The following FGF13 variants were observed in gnomAD, a reference collection of about 807,000 sequenced individuals.
FGF13 encodes the protein fibroblast growth factor 13.
A neutral mutation model predicts 19.5 loss-of-function variants in FGF13; 2 were observed. That is an observed-to-expected ratio of 0.10 (90% confidence interval 0.04 to 0.32). The LOEUF (loss-of-function observed/expected upper bound fraction) is 0.32. FGF13 is among the 10% of genes least tolerant of loss of function. The pLI, the probability that FGF13 is intolerant of heterozygous loss-of-function variation, is 1.00. For missense variants in FGF13, 113 were observed against 192.7 expected, an observed-to-expected ratio of 0.59 and a Z score of 2.45; for synonymous variants, 72 against 76.9, an observed-to-expected ratio of 0.94 and a Z score of 0.33.
chrX:139,161,454 A>G (rs1342958888), intron 1 of FGF13, among the ~76,000 whole-genome samples: 1 of 111,433 alleles, frequency 9.0e-6, no homozygotes, highest in Non-Finnish European at 1.9e-5. Context: ...ACTCTCTCTT[A>G]GCACTCCTAT....
chrX:138,682,046 GA>G (rs1569362947), intron 3 of FGF13, among the ~76,000 whole-genome samples: 1 of 112,216 alleles, frequency 8.9e-6, no homozygotes, highest in African/African-American at 3.2e-5. Flanking sequence ...CATGCTGTTG[GA>G]AAAAATGGCG....
At chrX:138,678,078 G>A (rs765685258) in intron 3 of FGF13, among the ~76,000 whole-genome samples, 13 of 111,323 alleles carry the variant, frequency 1.2e-4, no homozygotes, top group Admixed American at 1.0e-3. Context: ...CTATCGCAAG[G>A]ACAAAAAACC....
At chrX:138,721,135 T>C (rs1434796593) in intron 1 of FGF13, among the ~76,000 whole-genome samples, 1 of 111,841 alleles carries the variant, frequency 8.9e-6, no homozygotes, top group African/African-American at 3.2e-5. Flanking sequence ...GAAAATTACA[T>C]TGGCATGTAT....
intron 3 of FGF13, among the ~76,000 whole-genome samples, chrX:138,797,389 A>G (rs1169849048): frequency 9.0e-6 from 1 of 110,973 alleles, no homozygotes; most frequent in East Asian, 2.8e-4. Flanking sequence ...GTTATTTCTC[A>G]AGCCTCTGTT....
At chrX:138,982,264 G>A (rs747673388) in intron 1 of FGF13, among the ~76,000 whole-genome samples, 49 of 111,593 alleles carry the variant, frequency 4.4e-4, no homozygotes, top group Non-Finnish European at 7.9e-4. Context: ...TTGGAATATG[G>A]TGAGAGCTGA....
intron 1 of FGF13, among the ~76,000 whole-genome samples, chrX:138,995,643 A>AT (rs1304074221): frequency 4.4e-5 from 5 of 112,379 alleles, no homozygotes; most frequent in Non-Finnish European, 7.5e-5. Context: ...ACATGATCGC[A>AT]TTTTTTATGG....
intron 3 of FGF13, among the ~76,000 whole-genome samples, chrX:138,787,328 T>C (rs894842373): frequency 8.9e-6 from 1 of 111,778 alleles, no homozygotes; most frequent in Admixed American, 9.5e-5. Flanking sequence ...TCTTAGTCAT[T>C]TGGGGCAGCT....
At chrX:138,719,723 G>GACTA in intron 1 of FGF13, among the ~76,000 whole-genome samples, 1 of 112,672 alleles carries the variant, frequency 8.9e-6, no homozygotes, top group Middle Eastern at 4.6e-3. Context: ...GGAAGCCCAT[G>GACTA]ACTATCCTTT....
At chrX:139,076,483 TA>T (rs2083333508) in intron 1 of FGF13, among the ~76,000 whole-genome samples, 1 of 111,872 alleles carries the variant, frequency 8.9e-6, no homozygotes, top group Non-Finnish European at 1.9e-5. Context: ...CAGGGAACCA[TA>T]GCACCTTCTG....
intron 1 of FGF13, among the ~76,000 whole-genome samples, chrX:139,079,550 T>C (rs998038835): frequency 9.0e-6 from 1 of 111,119 alleles, no homozygotes; most frequent in African/African-American, 3.3e-5. Context: ...TCAGAATCCC[T>C]ATATGAGCAC....
intron 1 of FGF13, among the ~76,000 whole-genome samples, chrX:139,053,260 A>G (rs1233626034): frequency 9.0e-6 from 1 of 111,234 alleles, no homozygotes; most frequent in East Asian, 2.8e-4. Flanking sequence ...CTCTGAGTAC[A>G]TATCCAGCAG....
intron 1 of FGF13, among the ~76,000 whole-genome samples, chrX:139,145,649 C>T (rs2148242935): frequency 9.1e-6 from 1 of 110,150 alleles, no homozygotes; most frequent in South Asian, 4.0e-4. Flanking sequence ...TCATCCCTTC[C>T]TCTACCTAAA....
intron 3 of FGF13, among the ~76,000 whole-genome samples, chrX:138,771,876 G>C (rs1374374633): frequency 2.8e-5 from 3 of 108,868 alleles, no homozygotes; most frequent in Non-Finnish European, 5.7e-5. Context: ...CTGTTGATTT[G>C]TTAGGTTTTG....
chrX:138,728,039 AAATGCGTGAATT>A (rs1381906073), intron 1 of FGF13, among the ~76,000 whole-genome samples: 2 of 111,873 alleles, frequency 1.8e-5, no homozygotes, highest in African/African-American at 6.5e-5. Context: ...AACTAAAGAA[AAATGCGTGAATT>A]AATACTCTGA....
chrX:139,172,185 A>G (rs191020453), intron 1 of FGF13, among the ~76,000 whole-genome samples: 7 of 112,162 alleles, frequency 6.2e-5, no homozygotes, highest in African/African-American at 2.3e-4. Context: ...ATACTTTCAC[A>G]AATATTTGAA....
chrX:138,736,200 G>A (rs2090273542), intron 1 of FGF13, among the ~76,000 whole-genome samples: 1 of 111,703 alleles, frequency 9.0e-6, no homozygotes, highest in Admixed American at 9.5e-5. Context: ...CTTAGCTGCT[G>A]GGGTGAATTT....
At chrX:138,790,816 C>T (rs2090736992) in intron 3 of FGF13, among the ~76,000 whole-genome samples, 1 of 111,963 alleles carries the variant, frequency 8.9e-6, no homozygotes, top group African/African-American at 3.3e-5. Context: ...TTCCAAAATG[C>T]ACCATAGTGT....
intron 3 of FGF13, among the ~76,000 whole-genome samples, chrX:138,835,484 A>G (rs1471553013): frequency 9.0e-6 from 1 of 111,574 alleles, no homozygotes; most frequent in Non-Finnish European, 1.9e-5. Flanking sequence ...TGCAACCTCT[A>G]CTTTTTCTGT....
intron 3 of FGF13, among the ~76,000 whole-genome samples, chrX:138,834,713 T>G (rs1186925188): frequency 9.0e-6 from 1 of 111,285 alleles, no homozygotes; most frequent in Admixed American, 9.6e-5. Flanking sequence ...TGGATTTGTT[T>G]GCTCTTGGTT....
Sources: gnomAD v4.1 joint callset for allele counts (sites outside exome capture counted in the v4.1 genomes callset) on GRCh38, gnomAD v4.1.1 for gene constraint, MANE v1.5 for transcripts, NCBI Gene and HGNC (gene_info 2026-07-23, HGNC 2026-07-21) for gene names.